LRP6: variants seen among roughly 807,000 people sequenced by gnomAD.
LRP6 encodes the protein LDL receptor related protein 6.
Under a neutral mutation model 184.1 loss-of-function variants are expected in LRP6, and 43 were observed. The ratio of observed to expected loss-of-function variants is 0.23; its 90% CI spans 0.18 to 0.30. The LOEUF is 0.30. Among genes scored for constraint, LRP6 ranks in the 10% least tolerant of loss-of-function variants. LRP6 has a pLI of 1.00. For synonymous variants in LRP6, 719 were observed against 684.9 expected (o/e 1.05, Z -0.78); for missense variants, 1,571 against 2,005.3 (o/e 0.78, Z 4.14).
At chr12:12,245,828 A>G (rs1865170173) in intron 1 of LRP6, among the ~76,000 whole-genome samples, 1 of 152,016 alleles carries the variant, frequency 6.6e-6, no homozygotes, top group South Asian at 2.1e-4. Flanking sequence ...CTTTCCTAGT[A>G]TCAAGCAACA....
rs1465785217 is a variant in LRP6 at position 12,124,610 on chromosome 12, T to C, written c.4502A>G (p.Glu1501Gly). The change falls in exon 22 of 23, where the codon GAA (glutamate) becomes GGA (glycine). Residue 1501 changes from glutamate (E) to glycine (G), a missense_variant. Around this residue, in one of 4 missense-constraint regions of LRP6, gnomAD observed 763 missense variants for 859.5 expected, o/e 0.89. Coordinates refer to ENST00000261349, the MANE Select transcript of LRP6 (RefSeq NM_002336.3). Reference sequence around the variant, plus strand: ...AGGACTGTTTGAAGAATATCCAAATTCCATAGTGTAATGTGATCGCTCTGT... The same window carrying C: ...AGGACTGTTTGAAGAATATCCAAATCCCATAGTGTAATGTGATCGCTCTGT... ...PATERSHYTM[E>G]FGYSSNSPST... 1.9e-6 allele frequency: 3 copies of C among 1,613,916 alleles called. No homozygotes were observed. Among genetic ancestry groups the C allele is most frequent in the Non-Finnish European group, 2.5e-6 (3 of 1,179,826 alleles).
At chr12:12,153,625 T>C (rs1448723795) in intron 12 of LRP6, among the ~76,000 whole-genome samples, 2 of 152,232 alleles carry the variant, frequency 1.3e-5, no homozygotes, top group East Asian at 1.9e-4. Context: ...TATTTTGACC[T>C]ATTTTCAAGT....
At chr12:12,255,927 G>C (rs953498036) in intron 1 of LRP6, among the ~76,000 whole-genome samples, 3 of 152,028 alleles carry the variant, frequency 2.0e-5, no homozygotes, top group African/African-American at 7.2e-5. Context: ...ATTTGCAAAT[G>C]CCAAATTTTA....
chr12:12,201,833 A>T (rs1373009516), intron 3 of LRP6, among the ~76,000 whole-genome samples: 1 of 152,190 alleles, frequency 6.6e-6, no homozygotes, highest in Non-Finnish European at 1.5e-5. Context: ...CCACATTGTT[A>T]TATGTCATTT....
rs1230481323 is a variant in LRP6 at position 12,244,662 on chromosome 12, CA to C, written c.56-8del. 1.9e-6 allele frequency: 3 copies of C among 1,608,264 alleles called. No individual in the cohort carries two copies. The highest frequency in any genetic ancestry group is 2.5e-6 in the Non-Finnish European group (3 of 1,178,206). On this transcript the variant is annotated splice_region_variant and splice_polypyrimidine_tract_variant and intron_variant, in intron 1 of 22. Transcript: ENST00000261349. ...TAAAGCAACAAAGGGGCCGCTAGAA[CA>C]AAAAAAGAAAAATATGTAAGTGAAA...
intron 5 of LRP6, among the ~76,000 whole-genome samples, chr12:12,183,075 A>C (rs1471043006): frequency 6.6e-6 from 1 of 152,212 alleles, no homozygotes; most frequent in Non-Finnish European, 1.5e-5. Flanking sequence ...AGCCAGCTTC[A>C]CCTTTTACTA....
chr12:12,190,764 G>C (rs1863592571), intron 3 of LRP6, among the ~76,000 whole-genome samples: 1 of 152,172 alleles, frequency 6.6e-6, no homozygotes, highest in Non-Finnish European at 1.5e-5. Flanking sequence ...CATGAGTTCT[G>C]ACATCTGAAC....
intron 12 of LRP6, among the ~76,000 whole-genome samples, chr12:12,157,915 CTT>C (rs1862638174): frequency 1.3e-5 from 2 of 152,168 alleles, no homozygotes; most frequent in South Asian, 2.1e-4. Flanking sequence ...TTGTTACACA[CTT>C]TGTTGTTAGT....
rs150125227 is a variant in LRP6, at chr12:12,137,482, T to C, written c.3607+843A>G. On this transcript the variant is annotated intron_variant, in intron 16 of 22. Transcript: ENST00000261349. ...GATGGCTATTTTTCTAAGCTGGGAA[T>C]TGAAATATTTATCCCAAAGGGGGGG... Among the ~76,000 whole-genome samples the C allele has an allele frequency of 2.4e-3, 368 of 152,264 alleles. 1 individual carries two copies. The highest frequency in any genetic ancestry group is 8.6e-3 in the African/African-American group (357 of 41,550).
chr12:12,261,550 G>A (rs1865616954), intron 1 of LRP6, among the ~76,000 whole-genome samples: 1 of 152,114 alleles, frequency 6.6e-6, no homozygotes, highest in South Asian at 2.1e-4. Context: ...AGGAATGACA[G>A]TATCAAATTA....
At position 12,251,140 on chromosome 12, in the gene LRP6, C is replaced by G. The variant is rs540599106; in HGVS notation, c.56-6485G>C. ...TAGAGACGTGGTTTTGCCATGTTAG[C>G]CAGGCTGGTCTTAAACTGCTGACCT... On this transcript the variant is annotated intron_variant, in intron 1 of 22. Transcript: ENST00000261349. Among the ~76,000 whole-genome samples, 4 of 152,096 alleles carry G rather than the reference C, an allele frequency of 2.6e-5. No homozygotes were observed. In the South Asian group the frequency reaches 8.3e-4, roughly 32 times the overall value.
chr12:12,201,313 T>G (rs1369346620), intron 3 of LRP6, among the ~76,000 whole-genome samples: 1 of 152,200 alleles, frequency 6.6e-6, no homozygotes, highest in Admixed American at 6.5e-5. Flanking sequence ...TTCATTTCAG[T>G]AGTTCCATTT....
At position 12,267,027 on chromosome 12, in the gene LRP6, G is replaced by A. The variant is rs980338068; in HGVS notation, c.-292C>T. 3.2e-5 allele frequency: 15 copies of A among 471,550 alleles called. No homozygotes were observed. The highest frequency in any genetic ancestry group is 5.2e-5 in the Non-Finnish European group (14 of 268,280). 29.2% of individuals were successfully genotyped at this position (471,550 alleles called of 1,614,324 possible). A position where few individuals can be genotyped will look rare whatever the true frequency, so the allele number is the denominator to read the frequency against. ...GCTCCTCATTCAGCCTCTGCCTCGC[G>A]CAGCGGCGCAGGGATACGGTCGGCA... On this transcript the variant is annotated 5_prime_UTR_variant, in exon 1 of 23. Transcript: ENST00000261349.
At chr12:12,260,141 G>A (rs546054374) in intron 1 of LRP6, among the ~76,000 whole-genome samples, 2 of 152,238 alleles carry the variant, frequency 1.3e-5, no homozygotes, top group East Asian at 1.9e-4. Context: ...CACTTTGGGA[G>A]GCCGAGGCGG....
rs1399721148 is a variant in LRP6, at chr12:12,266,825, G to T, written c.-90C>A. The T allele has an allele frequency of 1.9e-6, 2 of 1,034,850 alleles. No individual in the cohort carries two copies. The highest frequency in any genetic ancestry group is 3.0e-6 in the Non-Finnish European group (2 of 668,850). The allele number at this position is 1,034,850 out of a possible 1,614,324, so 64.1% of individuals were successfully genotyped here. On this transcript the variant is annotated 5_prime_UTR_variant, in exon 1 of 23. Transcript: ENST00000261349. ...CCGGGGCGGCCGCCGCAGCGGCAGG[G>T]CTGCACGCTCATACTTCCCAGCTTC... is the stretch of plus-strand genomic sequence containing the variant.
chr12:12,164,335 C>G lies in LRP6; in HGVS notation c.1990G>C (p.Ala664Pro). 1 of 1,614,108 alleles carries G rather than the reference C, an allele frequency of 6.2e-7. No homozygotes were observed. ...GTCACATCAAAATCCAAAGCAGAAGCTTCTTTGACACCAGTGAGTGGAATA... is the reference window on the plus strand; with the variant it reads ...GTCACATCAAAATCCAAAGCAGAAGGTTCTTTGACACCAGTGAGTGGAATA... ...VAIPLTGVKEASALDFDVTDN... is the reference protein window; with the variant it reads ...VAIPLTGVKEPSALDFDVTDN... The change falls in exon 9 of 23, where the codon GCT becomes CCT. Residue 664 changes from alanine (A) to proline (P), a missense_variant. Ala to Pro is a conservative substitution (Grantham distance 27). Around this residue, in one of 4 missense-constraint regions of LRP6, gnomAD observed 640 missense variants for 851.9 expected, o/e 0.75. Coordinates refer to ENST00000261349, the MANE Select transcript of LRP6 (RefSeq NM_002336.3).
chr12:12,265,290 T>A (rs1005085319), intron 1 of LRP6, among the ~76,000 whole-genome samples: 1 of 152,212 alleles, frequency 6.6e-6, no homozygotes, highest in Non-Finnish European at 1.5e-5. Flanking sequence ...TAATGAACAC[T>A]ACCTTTCCGG....
chr12:12,155,743 G>T (rs563450833), intron 12 of LRP6: 18 of 1,016,242 alleles, frequency 1.8e-5, no homozygotes, highest in South Asian at 1.1e-4. Flanking sequence ...TGAGCTGCTG[G>T]AACCTATTCC....
At chr12:12,182,828 A>C (rs1188639868) in intron 5 of LRP6, among the ~76,000 whole-genome samples, 1 of 152,246 alleles carries the variant, frequency 6.6e-6, no homozygotes, top group African/African-American at 2.4e-5. Context: ...AAGGTGATCA[A>C]AACAGAACAG....
Sources: gnomAD v4.1 joint callset for allele counts (sites outside exome capture counted in the v4.1 genomes callset) on GRCh38, gnomAD v4.1.1 for gene constraint, gnomAD v4.1.1 regional missense constraint, MANE v1.5 for transcripts, NCBI Gene and HGNC (gene_info 2026-07-23, HGNC 2026-07-21) for gene names.